BCL2L13: variants seen among roughly 807,000 people sequenced by gnomAD.
BCL2L13 encodes the protein bcl-2-like protein 13.
Under a neutral mutation model 25.8 loss-of-function variants are expected in BCL2L13, and 13 were observed. The observed-to-expected ratio is 0.50, with a 90% CI of 0.33 to 0.80. BCL2L13 has a LOEUF of 0.80. BCL2L13 is among the 30% of genes least tolerant of loss of function. BCL2L13 has a pLI of 0.02. For synonymous variants in BCL2L13, 244 were observed against 230.3 expected, an observed-to-expected ratio of 1.06 and a Z score of -0.54; for missense variants, 504 against 574.9, an observed-to-expected ratio of 0.88 and a Z score of 1.26.
chr22:17,637,211 A>G (rs1461748023), upstream of BCL2L13, among the ~76,000 whole-genome samples: 1 of 152,014 alleles, frequency 6.6e-6, no homozygotes, highest in African/African-American at 2.4e-5. Context: ...GTTCAAGACC[A>G]GCCTAACCAA....
intron 2 of BCL2L13, among the ~76,000 whole-genome samples, chr22:17,667,652 G>A (rs976665805): frequency 6.6e-6 from 1 of 151,906 alleles, no homozygotes; most frequent in South Asian, 2.1e-4. Flanking sequence ...GGGATTATGG[G>A]TGTCTGCCAC....
At chr22:17,706,859 A>G (rs1236982684) in intron 6 of BCL2L13, 1 of 1,344,444 alleles carries the variant, frequency 7.4e-7, no homozygotes, top group Admixed American at 1.9e-5. Context: ...CCGTCGTCAC[A>G]TGATAAATAC....
intron 2 of BCL2L13, among the ~76,000 whole-genome samples, chr22:17,671,421 G>A (rs1219183537): frequency 2.1e-5 from 3 of 142,182 alleles, no homozygotes; most frequent in Non-Finnish European, 3.0e-5. Flanking sequence ...AAAAAAATTA[G>A]CCAGGAGTTG....
Position 17,666,639 on chromosome 22 carries a change from C to T in BCL2L13, c.121+10807C>T, listed in dbSNP as rs540754152. ...TTATTTAACTTAACACAATGACTTC[C>T]AGTTCTATCCATGTTGTTGCAAATG... On this transcript the variant is annotated intron_variant, in intron 2 of 6. Coordinates refer to ENST00000317582, the MANE Select transcript of BCL2L13 (RefSeq NM_015367.4). Among the ~76,000 whole-genome samples the T allele has an allele frequency of 4.7e-5, 7 of 150,362 alleles. 1 individual carries two copies. Among genetic ancestry groups the T allele is most frequent in the African/African-American group, 1.7e-4 (7 of 41,008 alleles).
chr22:17,656,335 CTTTTTTTTTTTTTTTTTTTTTT>C (rs890631679), intron 2 of BCL2L13, among the ~76,000 whole-genome samples: 4 of 57,882 alleles, frequency 6.9e-5, no homozygotes, highest in African/African-American at 2.5e-4. Flanking sequence ...TCATTTTATT[CTTTTTTTTTTTTTTTTTTTTTT>C]TTTTTTTTTT....
At chr22:17,694,580 G>A (rs1568983814) in intron 4 of BCL2L13, among the ~76,000 whole-genome samples, 1 of 151,812 alleles carries the variant, frequency 6.6e-6, no homozygotes, top group African/African-American at 2.4e-5. Context: ...ATTTCAACAT[G>A]TATTCAGTAC....
At chr22:17,642,677 TC>T (rs2058335908) in intron 1 of BCL2L13, among the ~76,000 whole-genome samples, 1 of 151,788 alleles carries the variant, frequency 6.6e-6, no homozygotes, top group Non-Finnish European at 1.5e-5. Context: ...CACCTCAACC[TC>T]TGCCTCCTGG....
At chr22:17,657,279 T>C (rs1189728999) in intron 2 of BCL2L13, among the ~76,000 whole-genome samples, 2 of 152,246 alleles carry the variant, frequency 1.3e-5, no homozygotes, top group Non-Finnish European at 2.9e-5. Flanking sequence ...ACAATGGGGA[T>C]TGTTTGGCTT....
chr22:17,684,470 C>A, intron 3 of BCL2L13: 1 of 419,594 alleles, frequency 2.4e-6, no homozygotes, highest in Non-Finnish European at 4.8e-6. Context: ...GGCCCCAACC[C>A]CACCCCACAC....
chr22:17,658,538 A>G (rs1296458420), intron 2 of BCL2L13, among the ~76,000 whole-genome samples: 2 of 151,776 alleles, frequency 1.3e-5, no homozygotes, highest in Non-Finnish European at 2.9e-5. Context: ...GCTAAAAAAT[A>G]CAAAAATTAG....
intron 6 of BCL2L13, among the ~76,000 whole-genome samples, chr22:17,710,025 G>A (rs988846791): frequency 1.4e-5 from 2 of 140,312 alleles, no homozygotes; most frequent in African/African-American, 5.6e-5. Flanking sequence ...AGCCAAGATT[G>A]CGCCACTGAC....
intron 1 of BCL2L13, among the ~76,000 whole-genome samples, chr22:17,632,487 A>G (rs775543252): frequency 1.4e-4 from 22 of 152,084 alleles, no homozygotes; most frequent in Non-Finnish European, 3.2e-4. Flanking sequence ...AACAGATTGC[A>G]GGAGTATGGA....
At chr22:17,720,236 A>G (rs1274327863) in intron 6 of BCL2L13, among the ~76,000 whole-genome samples, 2 of 146,736 alleles carry the variant, frequency 1.4e-5, no homozygotes, top group South Asian at 2.1e-4. Context: ...TGGCACGATC[A>G]TGGCTCACTG....
At chr22:17,722,423 G>A (rs950191811) in intron 6 of BCL2L13, among the ~76,000 whole-genome samples, 15 of 149,970 alleles carry the variant, frequency 1.0e-4, no homozygotes, top group Non-Finnish European at 2.1e-4. Flanking sequence ...GTGTGTGTAT[G>A]TAGAGATGAT....
chr22:17,722,292 G>A (rs2061161050), intron 6 of BCL2L13, among the ~76,000 whole-genome samples: 1 of 151,614 alleles, frequency 6.6e-6, no homozygotes, highest in Non-Finnish European at 1.5e-5. Context: ...ACAGTGGCAC[G>A]ATCATAGCTC....
rs145032337 is a variant in BCL2L13 at position 17,633,104 on chromosome 22, A to G, written c.-650+4099A>G. Among the ~76,000 whole-genome samples the G allele has an allele frequency of 7.7e-3, 1,174 of 152,268 alleles. 4 individuals are homozygous for G. The highest frequency in any genetic ancestry group is 0.013 in the Non-Finnish European group (852 of 68,024). ...ACATTAGAAAATACAAAAAAGTACA[A>G]AGAATAATTTATTCCCATACCATGC... On this transcript the variant is annotated intron_variant, in intron 1 of 6. Transcript: ENST00000399782.
intron 2 of BCL2L13, among the ~76,000 whole-genome samples, chr22:17,668,592 T>TACAGGCATGCACC (rs1443571610): frequency 6.6e-6 from 1 of 152,074 alleles, no homozygotes; most frequent in African/African-American, 2.4e-5. Flanking sequence ...TAGCTGGGAT[T>TACAGGCATGCACC]ACAGGCATGC....
chr22:17,681,284 A>G (rs1383585829), intron 2 of BCL2L13, among the ~76,000 whole-genome samples: 3 of 152,054 alleles, frequency 2.0e-5, no homozygotes, highest in African/African-American at 7.2e-5. Context: ...AGGCAGGTGG[A>G]TCACGGGGCC....
chr22:17,671,417 A>T (rs892427713), intron 2 of BCL2L13, among the ~76,000 whole-genome samples: 2 of 120,452 alleles, frequency 1.7e-5, no homozygotes, highest in Non-Finnish European at 3.5e-5. Context: ...AAAAAAAAAA[A>T]TTAGCCAGGA....
Sources: gnomAD v4.1 joint callset for allele counts (sites outside exome capture counted in the v4.1 genomes callset) on GRCh38, gnomAD v4.1.1 for gene constraint, MANE v1.5 for transcripts, NCBI Gene and HGNC (gene_info 2026-07-23, HGNC 2026-07-21) for gene names.